Variants in ADGRL2 observed in about 807,000 individuals in gnomAD.
The protein encoded by ADGRL2 is adhesion G protein-coupled receptor L2.
ADGRL2 carries 44 observed loss-of-function variants against 157.4 expected under a neutral mutation model. That is an observed-to-expected ratio of 0.28 (90% CI 0.22 to 0.36). The LOEUF is 0.36. Ranked by LOEUF, ADGRL2 falls within the 10% of genes least tolerant of loss-of-function variation. The pLI is 1.00. For missense variants in ADGRL2, 1,510 were observed against 1,768.9 expected (o/e 0.85, Z 2.63); for synonymous variants, 585 against 624.7 (o/e 0.94, Z 0.95).
At chr1:81,937,203 G>C (rs989700347) in intron 4 of ADGRL2, among the ~76,000 whole-genome samples, 2 of 151,834 alleles carry the variant, frequency 1.3e-5, no homozygotes, top group African/African-American at 4.8e-5. Flanking sequence ...AGTTTTAATC[G>C]TGAGCTACTT....
At chr1:81,516,535 G>A (rs561201090) in intron 2 of ADGRL2, among the ~76,000 whole-genome samples, 43 of 152,252 alleles carry the variant, frequency 2.8e-4, no homozygotes, top group Non-Finnish European at 3.4e-4. Context: ...CCATGAATAA[G>A]GCTAGTTTTA....
rs568802735 is a variant in ADGRL2 at position 81,337,821 on chromosome 1, C to T, written c.-302+31312C>T. The stretch of plus-strand genomic sequence containing the variant: ...ATTGGATTGTATCAACTAACCAGTT[C>T]CAGCCCTTTGAGGTTCTGTTAAGTG... On this transcript the variant is annotated intron_variant, in intron 1 of 24. Coordinates refer to the ADGRL2 transcript ENST00000370721. Among the ~76,000 whole-genome samples the T allele has an allele frequency of 3.3e-5, 5 of 152,184 alleles. No individual in the cohort carries two copies. In the South Asian group the frequency reaches 1.0e-3, roughly 32 times the overall value.
chr1:81,748,117 T>C (rs1472733295), intron 1 of ADGRL2, among the ~76,000 whole-genome samples: 2 of 152,164 alleles, frequency 1.3e-5, no homozygotes, highest in East Asian at 1.9e-4. Context: ...CTTTATATTA[T>C]AATGGTATCA....
At chr1:81,423,620 T>C (rs2077163511) in intron 1 of ADGRL2, among the ~76,000 whole-genome samples, 1 of 152,234 alleles carries the variant, frequency 6.6e-6, no homozygotes, top group Non-Finnish European at 1.5e-5. Context: ...TTTTTCGACA[T>C]CGTTGTCAAT....
chr1:81,663,043 C>G (rs2082686071), intron 3 of ADGRL2, among the ~76,000 whole-genome samples: 2 of 148,010 alleles, frequency 1.4e-5, no homozygotes, highest in South Asian at 4.4e-4. Flanking sequence ...TATCTTGTTC[C>G]CCGACCCCTC....
At chr1:81,326,723 T>C (rs879482950) in intron 1 of ADGRL2, among the ~76,000 whole-genome samples, 13 of 152,206 alleles carry the variant, frequency 8.5e-5, no homozygotes, top group Non-Finnish European at 1.0e-4. Flanking sequence ...ACAGCAGAAA[T>C]ACTGTAATCA....
chr1:81,791,058 C>A lies in ADGRL2; in HGVS notation c.-101+29206C>A, dbSNP rs550344012. On this transcript the variant is annotated intron_variant, in intron 2 of 20. Transcript: ENST00000359929. ...TTCCAGCCTGGGTGATGCAGCAAGA[C>A]CCTATCTCAAAAAAAAAAAAAAAAA... is the stretch of plus-strand genomic sequence containing the variant. Among the ~76,000 whole-genome samples the A allele has an allele frequency of 3.9e-4, 46 of 118,284 alleles. No individual in the cohort carries two copies. The East Asian group carries it at 9.3e-3, about 24-fold the overall frequency. The allele number at this position is 118,284 out of a possible 152,430, so 77.6% of individuals were successfully genotyped here.
chr1:81,942,060 G>T lies in ADGRL2; in HGVS notation c.409+15G>T. On this transcript the variant is annotated intron_variant, in intron 5 of 23. Transcript: ENST00000686636. ...GGAGCAAAAAGGTAAATAACATACA[G>T]TCTGAACCCCAGCTCCCTGTTATGT... is the stretch of plus-strand genomic sequence containing the variant. The T allele has an allele frequency of 1.3e-6, 1 of 767,612 alleles. No individual in the cohort carries two copies. The highest frequency in any genetic ancestry group is 2.4e-6 in the Non-Finnish European group (1 of 411,664). The allele number at this position is 767,612 out of a possible 1,614,324, so 47.6% of individuals were successfully genotyped here.
intron 2 of ADGRL2, among the ~76,000 whole-genome samples, chr1:81,876,727 G>A (rs1330316896): frequency 6.6e-6 from 1 of 152,132 alleles, no homozygotes; most frequent in Non-Finnish European, 1.5e-5. Flanking sequence ...TTTGTTCAGG[G>A]TAAGGTAGTA....
intron 2 of ADGRL2, among the ~76,000 whole-genome samples, chr1:81,567,315 A>C (rs757883522): frequency 2.6e-5 from 4 of 152,142 alleles, no homozygotes; most frequent in Non-Finnish European, 4.4e-5. Context: ...AGTGTTCAAT[A>C]GTCACATACA....
chr1:81,541,714 C>T (rs555641816), intron 2 of ADGRL2, among the ~76,000 whole-genome samples: 64 of 151,694 alleles, frequency 4.2e-4, no homozygotes, highest in Admixed American at 2.9e-3. Context: ...CTTTGGGAGG[C>T]TGAGGTGGGC....
chr1:81,525,786 C>G (rs2079441000), intron 2 of ADGRL2, among the ~76,000 whole-genome samples: 1 of 152,174 alleles, frequency 6.6e-6, no homozygotes, highest in Non-Finnish European at 1.5e-5. Flanking sequence ...AAGGTGGAGC[C>G]AGTAGTAAGA....
intron 3 of ADGRL2, among the ~76,000 whole-genome samples, chr1:81,694,519 C>T (rs679262): frequency 0.36 from 55,251 of 151,472 alleles, 10,248 homozygotes; most frequent in Admixed American, 0.43. Flanking sequence ...TTCTTTGAAA[C>T]AGCCAGCATC....
chr1:81,363,361 G>A (rs945380837), intron 1 of ADGRL2, among the ~76,000 whole-genome samples: 3 of 151,948 alleles, frequency 2.0e-5, no homozygotes, highest in African/African-American at 7.2e-5. Flanking sequence ...TGGTAATTCA[G>A]TTGAATAATT....
intron 1 of ADGRL2, among the ~76,000 whole-genome samples, chr1:81,440,780 T>C (rs1257463374): frequency 2.6e-5 from 4 of 152,222 alleles, no homozygotes; most frequent in Non-Finnish European, 5.9e-5. Context: ...TTTATCTATG[T>C]CTCTTCCTTT....
chr1:81,322,807 G>T (rs1459554551), intron 1 of ADGRL2, among the ~76,000 whole-genome samples: 1 of 152,088 alleles, frequency 6.6e-6, no homozygotes. Flanking sequence ...AGACTAAGGG[G>T]AGATACCATA....
chr1:81,958,656 G>A (rs1400204300), intron 11 of ADGRL2, among the ~76,000 whole-genome samples: 1 of 152,090 alleles, frequency 6.6e-6, no homozygotes, highest in East Asian at 1.9e-4. Flanking sequence ...TTTAAAATAT[G>A]CAATAAGAGC....
intron 3 of ADGRL2, among the ~76,000 whole-genome samples, chr1:81,651,525 G>A (rs2082419403): frequency 6.6e-6 from 1 of 152,150 alleles, no homozygotes; most frequent in East Asian, 1.9e-4. Context: ...TGTTATTCTT[G>A]AAAAAATGAC....
chr1:81,564,676 G>C (rs1411519258), intron 2 of ADGRL2, among the ~76,000 whole-genome samples: 1 of 152,126 alleles, frequency 6.6e-6, no homozygotes, highest in Non-Finnish European at 1.5e-5. Context: ...CTGTTCATTA[G>C]AAAAATGCAA....
Sources: allele counts gnomAD v4.1 joint callset (sites outside exome capture counted in the v4.1 genomes callset), GRCh38; gene constraint gnomAD v4.1.1; transcripts MANE v1.5; gene names NCBI Gene and HGNC (gene_info 2026-07-23, HGNC 2026-07-21).